Variants in CHD6 observed in about 807,000 individuals in gnomAD.
CHD6 encodes chromodomain helicase DNA binding protein 6, also known as ATP-dependent chromatin remodeler CHD6.
A neutral mutation model predicts 276.9 loss-of-function variants in CHD6; 50 were observed. The ratio of observed to expected loss-of-function variants is 0.18; its 90% CI spans 0.14 to 0.23. The LOEUF (loss-of-function observed/expected upper bound fraction) is 0.23, where lower values mean the gene tolerates loss of function less well. Ranked by LOEUF, CHD6 falls within the 10% of genes least tolerant of loss-of-function variation. The pLI, the probability that CHD6 is intolerant of heterozygous loss-of-function variation, is 1.00. For missense variants in CHD6, 2,564 were observed against 3,365.8 expected, an observed-to-expected ratio of 0.76 and a Z score of 5.89; for synonymous variants, 1,173 against 1,229.3, an observed-to-expected ratio of 0.95 and a Z score of 0.96.
intron 1 of CHD6, among the ~76,000 whole-genome samples, chr20:41,570,027 G>A (rs2045400371): frequency 6.6e-6 from 1 of 152,094 alleles, no homozygotes; most frequent in African/African-American, 2.4e-5. Context: ...ATGATTTAAG[G>A]TTTTTCTAGA....
chr20:41,457,893 C>T (rs1458793675), intron 17 of CHD6, among the ~76,000 whole-genome samples: 10 of 152,186 alleles, frequency 6.6e-5, no homozygotes, highest in East Asian at 1.9e-4. Flanking sequence ...ATTTTTACCA[C>T]ACTCCACCCT....
At chr20:41,461,064 C>T (rs749458495) in intron 17 of CHD6, among the ~76,000 whole-genome samples, 5 of 152,174 alleles carry the variant, frequency 3.3e-5, no homozygotes, top group African/African-American at 9.7e-5. Context: ...TTCAATGCTC[C>T]GGTGGATTTT....
rs893123878 is a variant in CHD6, at chr20:41,403,821, C to T, written c.*772G>A. On this transcript the variant is annotated 3_prime_UTR_variant, in exon 37 of 37. Transcript: ENST00000373233. Reference sequence around the variant, plus strand: ...AAGCAGCGTGTAGCTCTACGGAGCGCGGGTCCTTGCCCCACCCCCGTCGAC... The same window carrying T: ...AAGCAGCGTGTAGCTCTACGGAGCGTGGGTCCTTGCCCCACCCCCGTCGAC... 2.2e-5 allele frequency: 23 copies of T among 1,057,012 alleles called. No homozygotes were observed. Among genetic ancestry groups the T allele is most frequent in the Admixed American group, 1.6e-4 (3 of 18,438 alleles). 65.5% of individuals were successfully genotyped at this position (1,057,012 alleles called of 1,614,324 possible).
rs201379078 is a variant in CHD6, at chr20:41,450,119, G to GA, written c.3683+826dup. Among the ~76,000 whole-genome samples the GA allele has an allele frequency of 2.8e-3, 425 of 151,596 alleles. 2 individuals carry two copies. The highest frequency in any genetic ancestry group is 0.024 in the Middle Eastern group (7 of 294). On this transcript the variant is annotated intron_variant, in intron 23 of 36. Transcript: ENST00000373233. ...AAAGGATTATACTTTATCTGTAAAA[G>GA]AAAAAAAACAAAACAAAACACCCCA...
Position 41,533,291 on chromosome 20 carries a change from C to T in CHD6, c.313G>A (p.Glu105Lys), listed in dbSNP as rs138284433. ...TCCTTGCTTCCCTTTGCTGCACCCT[C>T]TTGGTCTCCTGGCTCCTTTTTCTTC... ...KRKKKEPGDQ[E>K]GAAKGSKDRE... The change falls in exon 3 of 37, where the codon GAG becomes AAG. Residue 105 changes from glutamate (E) to lysine (K), a missense_variant. Glu to Lys is a moderately conservative substitution (Grantham distance 56). Transcript: ENST00000373233. 11 of 1,613,978 alleles carry T rather than the reference C, an allele frequency of 6.8e-6. No individual in the cohort carries two copies. The South Asian group carries it at 1.2e-4, about 18-fold the overall frequency.
At chr20:41,572,947 T>C (rs1275476014) in intron 1 of CHD6, among the ~76,000 whole-genome samples, 1 of 152,122 alleles carries the variant, frequency 6.6e-6, no homozygotes, top group Non-Finnish European at 1.5e-5. Flanking sequence ...TCTTGCTCTG[T>C]CGCCCAGGCT....
chr20:41,498,813 G>GTATGTATGTA (rs1259085549), intron 6 of CHD6, among the ~76,000 whole-genome samples: 1 of 65,048 alleles, frequency 1.5e-5, no homozygotes, highest in Non-Finnish European at 2.7e-5. Context: ...ATGTATGTAT[G>GTATGTATGTA]TGTGTGTGTG....
chr20:41,408,072 AAAAT>A (rs903116539), intron 36 of CHD6, among the ~76,000 whole-genome samples: 48 of 152,310 alleles, frequency 3.2e-4, no homozygotes, highest in African/African-American at 1.1e-3. Context: ...AAAAAAATAA[AAAAT>A]AAAAAAAAAA....
At chr20:41,597,103 CA>C (rs2045725666) in intron 1 of CHD6, among the ~76,000 whole-genome samples, 3 of 152,036 alleles carry the variant, frequency 2.0e-5, no homozygotes, top group African/African-American at 7.2e-5. Flanking sequence ...ACAAATGTTT[CA>C]AATGTGGAAG....
At chr20:41,538,066 G>A (rs1042318111) in intron 2 of CHD6, among the ~76,000 whole-genome samples, 4 of 152,204 alleles carry the variant, frequency 2.6e-5, no homozygotes, top group Non-Finnish European at 5.9e-5. Flanking sequence ...AAGGAGTGAA[G>A]TGGGGCTGGG....
intron 1 of CHD6, among the ~76,000 whole-genome samples, chr20:41,611,152 T>C (rs2045883414): frequency 6.6e-6 from 1 of 152,226 alleles, no homozygotes. Context: ...CAAATATAAA[T>C]AGATAAATAA....
intron 1 of CHD6, among the ~76,000 whole-genome samples, chr20:41,557,621 T>G (rs190996384): frequency 4.5e-4 from 68 of 152,316 alleles, no homozygotes; most frequent in African/African-American, 1.6e-3. Flanking sequence ...CCCTGCTCAG[T>G]CCAAGGGTCG....
At chr20:41,423,894 C>T (rs1188007845) in intron 29 of CHD6, among the ~76,000 whole-genome samples, 194 bp from the exon 30 acceptor site, 1 of 152,164 alleles carries the variant, frequency 6.6e-6, no homozygotes, top group Non-Finnish European at 1.5e-5. Context: ...TATCCAACTC[C>T]CAAAGAGGTA....
At chr20:41,606,282 C>T (rs941382180) in intron 1 of CHD6, among the ~76,000 whole-genome samples, 3 of 152,066 alleles carry the variant, frequency 2.0e-5, no homozygotes, top group Non-Finnish European at 4.4e-5. Flanking sequence ...GAGGCCAAGG[C>T]GGGCAGATCA....
rs532322170 is a variant in CHD6, at chr20:41,496,421, C to T, written c.1092+963G>A. 5.9e-5 allele frequency among the ~76,000 whole-genome samples: 9 copies of T among 152,268 alleles called. No individual in the cohort carries two copies. The South Asian group carries it at 1.9e-3, about 32-fold the overall frequency. ...GGGTGTTCAGGAGTTAGGATTTCAT[C>T]AGGAGTCTATCTCTGCGCATGTGGG... On this transcript the variant is annotated intron_variant, in intron 8 of 36. Transcript: ENST00000373233.
At chr20:41,405,554 ATGACCAGGGCTC>A (rs2046651652) in intron 36 of CHD6, 65 bp from the exon 37 acceptor site, 1 of 1,298,050 alleles carries the variant, frequency 7.7e-7, no homozygotes, top group Non-Finnish European at 1.1e-6. Flanking sequence ...GCTGAGGGTG[ATGACCAGGGCTC>A]TGCACTGGCC....
At chr20:41,448,373 A>G (rs528846439) in intron 23 of CHD6, among the ~76,000 whole-genome samples, 2 of 152,348 alleles carry the variant, frequency 1.3e-5, no homozygotes, top group South Asian at 4.1e-4. Context: ...ACACAGTTAA[A>G]TGAATAAATG....
intron 35 of CHD6, 102 bp downstream of exon 35, chr20:41,413,222 A>G: frequency 2.3e-6 from 2 of 867,536 alleles, no homozygotes; most frequent in Non-Finnish European, 3.4e-6. Flanking sequence ...TCTCCCAAAC[A>G]GCTCCCAACT....
At chr20:41,445,805 A>C in intron 24 of CHD6, 37 bp from the exon 25 acceptor site, 1 of 1,341,270 alleles carries the variant, frequency 7.5e-7, no homozygotes, top group South Asian at 1.2e-5. Context: ...AACAACACAA[A>C]AGCTACTGGT....
Sources: gnomAD v4.1 joint callset for allele counts (sites outside exome capture counted in the v4.1 genomes callset) on GRCh38, gnomAD v4.1.1 for gene constraint, MANE v1.5 for transcripts, NCBI Gene and HGNC (gene_info 2026-07-23, HGNC 2026-07-21) for gene names.